DAAM1: variants seen among roughly 807,000 people sequenced by gnomAD.
DAAM1 encodes the protein dishevelled associated activator of morphogenesis 1.
A neutral mutation model predicts 130.0 loss-of-function variants in DAAM1; 52 were observed. The observed-to-expected ratio is 0.40, with a 90% CI of 0.32 to 0.50. The LOEUF is 0.50. Among genes scored for constraint, DAAM1 ranks in the 20% least tolerant of loss-of-function variants. The probability of loss-of-function intolerance (pLI) is 0.61; values close to 1 mark genes in which losing one functional copy is unlikely to be tolerated. For missense variants in DAAM1, 1,134 were observed against 1,303.8 expected (o/e 0.87, Z 2.01); for synonymous variants, 452 against 444.5 (o/e 1.02, Z -0.21).
rs988218538 is a variant in DAAM1, at chr14:59,212,488, A to G, written c.-38+23720A>G. Among the ~76,000 whole-genome samples the G allele has an allele frequency of 5.3e-5, 8 of 152,342 alleles. No homozygotes were observed. The South Asian group carries it at 1.7e-3, about 32-fold the overall frequency. ...AGAACACAGGTCTCTGCTAATTGTC[A>G]TATCTTAGATGATTGCCTGATAAAG... is the stretch of plus-strand genomic sequence containing the variant. On this transcript the variant is annotated intron_variant, in intron 1 of 24. Coordinates refer to ENST00000360909, the MANE Select transcript of DAAM1 (RefSeq NM_001270520.2).
At chr14:59,338,842 A>T (rs554904199) in intron 15 of DAAM1, among the ~76,000 whole-genome samples, 1 of 152,148 alleles carries the variant, frequency 6.6e-6, no homozygotes, top group Non-Finnish European at 1.5e-5. Flanking sequence ...TCTGATAGTT[A>T]TCAAGTACTT....
At chr14:59,338,811 A>G (rs1458295641) in intron 15 of DAAM1, among the ~76,000 whole-genome samples, 3 of 152,140 alleles carry the variant, frequency 2.0e-5, no homozygotes, top group African/African-American at 7.2e-5. Flanking sequence ...GATGGTGTAT[A>G]TAAGACTTGG....
chr14:59,348,831 C>G lies in DAAM1; in HGVS notation c.2160+1208C>G, dbSNP rs532748836. Among the ~76,000 whole-genome samples the G allele has an allele frequency of 2.0e-5, 3 of 152,234 alleles. No homozygotes were observed. In the East Asian group the frequency reaches 5.8e-4, roughly 29 times the overall value. Reference sequence around the variant, plus strand: ...GAGGAATGATGTTTGCAGAGTCACTCCCTAATGGACCAGCCCCGCCCCTGC... The same window carrying G: ...GAGGAATGATGTTTGCAGAGTCACTGCCTAATGGACCAGCCCCGCCCCTGC... On this transcript the variant is annotated intron_variant, in intron 17 of 24. Coordinates refer to ENST00000360909, the MANE Select transcript of DAAM1 (RefSeq NM_001270520.2).
intron 1 of DAAM1, among the ~76,000 whole-genome samples, chr14:59,241,569 C>G (rs928037150): frequency 1.3e-5 from 2 of 152,166 alleles, no homozygotes; most frequent in African/African-American, 4.8e-5. Flanking sequence ...TTACATATTT[C>G]TTGTTATTTC....
intron 2 of DAAM1, among the ~76,000 whole-genome samples, chr14:59,273,314 G>A (rs1319600815): frequency 6.6e-6 from 1 of 151,892 alleles, no homozygotes; most frequent in Non-Finnish European, 1.5e-5. Flanking sequence ...TAAATATTTT[G>A]TTACCATTTC....
In DAAM1 at chr14:59,368,582, G is replaced by A; in HGVS notation, c.2998-68G>A. The A allele has an allele frequency of 2.0e-6, 3 of 1,484,492 alleles. No homozygotes were observed. The South Asian group carries it at 3.9e-5, about 19-fold the overall frequency. The allele number at this position is 1,484,492 out of a possible 1,614,324, so 92.0% of individuals were successfully genotyped here. On this transcript the variant is annotated intron_variant, in intron 24 of 24. Transcript: ENST00000360909. Reference sequence around the variant, plus strand: ...GAGCATTACCATATTTCAAGGAATTGACCTCTACTGCAAACAAAATGCAAC... The same window carrying A: ...GAGCATTACCATATTTCAAGGAATTAACCTCTACTGCAAACAAAATGCAAC...
In DAAM1 at chr14:59,330,506, A is replaced by AAT; in HGVS notation, c.1379_1380dup (p.Glu461MetfsTer24). ...CCAATTGTTTTCTCGTGTAGAGCACAATGAGCTACAACAGAAACTGGAAAA... is the reference window on the plus strand; with the variant it reads ...CCAATTGTTTTCTCGTGTAGAGCACAATATGAGCTACAACAGAAACTGGAAAA... On this transcript the variant is annotated frameshift_variant, in exon 13 of 25. Transcript: ENST00000360909. LOFTEE classifies it high-confidence loss of function. 6.2e-7 allele frequency: 1 copy of AAT among 1,605,620 alleles called. No homozygotes were observed. The highest frequency in any genetic ancestry group is 8.5e-7 in the Non-Finnish European group (1 of 1,176,564).
intron 1 of DAAM1, among the ~76,000 whole-genome samples, chr14:59,216,833 G>C (rs796139039): frequency 3.3e-5 from 5 of 152,058 alleles, no homozygotes; most frequent in African/African-American, 1.2e-4. Context: ...GATTTCTGTA[G>C]TAATTAAGGT....
rs1045299671 is a variant in DAAM1 at position 59,300,713 on chromosome 14, T to C, written c.273+9407T>C. 5.3e-5 allele frequency among the ~76,000 whole-genome samples: 8 copies of C among 152,344 alleles called. 1 individual carries two copies. The South Asian group carries it at 1.4e-3, about 28-fold the overall frequency. On this transcript the variant is annotated intron_variant, in intron 3 of 24. Coordinates refer to ENST00000360909, the MANE Select transcript of DAAM1 (RefSeq NM_001270520.2). ...TGAAGCCCAAAGGTGACTGCTCTTC[T>C]GAAAGTGGTTTGTGTTTCTGTCTTT... is the stretch of plus-strand genomic sequence containing the variant.
chr14:59,216,640 G>A (rs1045936433), intron 1 of DAAM1, among the ~76,000 whole-genome samples: 1 of 152,056 alleles, frequency 6.6e-6, no homozygotes, highest in Non-Finnish European at 1.5e-5. Flanking sequence ...AGAATAGCTT[G>A]AACTGGGAGG....
chr14:59,364,329 GTTT>G (rs968836137), intron 23 of DAAM1, among the ~76,000 whole-genome samples: 1 of 144,330 alleles, frequency 6.9e-6, no homozygotes, highest in East Asian at 2.0e-4. Flanking sequence ...ATTACAAGAG[GTTT>G]TTTTTTTTTT....
chr14:59,366,382 T>C (rs902280811), intron 23 of DAAM1, among the ~76,000 whole-genome samples: 26 of 152,170 alleles, frequency 1.7e-4, no homozygotes, highest in African/African-American at 6.3e-4. Context: ...ATCTTAACAA[T>C]AGCAGCATTA....
chr14:59,355,070 T>G, intron 19 of DAAM1, 95 bp from the exon 20 acceptor site: 1 of 1,473,078 alleles, frequency 6.8e-7, no homozygotes, highest in Non-Finnish European at 9.2e-7. Flanking sequence ...TATCTGTTAT[T>G]AAGTGTGTGA....
chr14:59,280,055 A>G (rs1044468424), intron 2 of DAAM1, among the ~76,000 whole-genome samples: 1 of 152,196 alleles, frequency 6.6e-6, no homozygotes, highest in Non-Finnish European at 1.5e-5. Flanking sequence ...AACAGAAACT[A>G]GAAGAGCTAA....
chr14:59,261,658 C>T (rs989905278), intron 1 of DAAM1, among the ~76,000 whole-genome samples: 1 of 152,196 alleles, frequency 6.6e-6, no homozygotes, highest in African/African-American at 2.4e-5. Context: ...GCCTTCAAGT[C>T]AGCGGAGGAC....
intron 3 of DAAM1, among the ~76,000 whole-genome samples, chr14:59,309,258 A>G (rs1341687210): frequency 2.6e-5 from 4 of 152,192 alleles, no homozygotes; most frequent in East Asian, 1.9e-4. Flanking sequence ...ATGCTTTGCT[A>G]TTTTCAAAAA....
chr14:59,229,186 T>C (rs1052926738), intron 1 of DAAM1, among the ~76,000 whole-genome samples: 8 of 152,244 alleles, frequency 5.3e-5, no homozygotes, highest in Non-Finnish European at 8.8e-5. Flanking sequence ...AGTATGTTTT[T>C]ACCAAAGACA....
intron 19 of DAAM1, among the ~76,000 whole-genome samples, chr14:59,354,875 A>G (rs1236052911): frequency 2.0e-5 from 3 of 152,354 alleles, no homozygotes; most frequent in African/African-American, 7.2e-5. Flanking sequence ...GCTATTCTAG[A>G]TATTCCTCAG....
At chr14:59,248,528 A>G (rs1471721415) in intron 1 of DAAM1, among the ~76,000 whole-genome samples, 2 of 152,198 alleles carry the variant, frequency 1.3e-5, no homozygotes, top group Non-Finnish European at 2.9e-5. Flanking sequence ...GTGAGAAAAC[A>G]CACTCTTTCT....
Sources: gnomAD v4.1 joint callset for allele counts (sites outside exome capture counted in the v4.1 genomes callset) on GRCh38, gnomAD v4.1.1 for gene constraint, MANE v1.5 for transcripts, NCBI Gene and HGNC (gene_info 2026-07-23, HGNC 2026-07-21) for gene names.